The following COL21A1 variants were observed in gnomAD, a reference collection of about 807,000 sequenced individuals.
The protein encoded by COL21A1 is collagen type XXI alpha 1 chain.
In COL21A1, 149 loss-of-function variants were observed where a neutral mutation model predicts 137.9. The ratio of observed to expected loss-of-function variants is 1.08; its 90% confidence interval spans 0.95 to 1.24. The LOEUF (loss-of-function observed/expected upper bound fraction) is 1.24. Ranked by LOEUF, COL21A1 falls within the 50% of genes most tolerant of loss-of-function variation. The probability of loss-of-function intolerance (pLI) is 0.00; values close to 1 mark genes in which losing one functional copy is unlikely to be tolerated. For missense variants in COL21A1, 1,167 were observed against 1,158.4 expected, an observed-to-expected ratio of 1.01 and a Z score of -0.11; for synonymous variants, 456 against 391.5, an observed-to-expected ratio of 1.16 and a Z score of -1.95.
intron 1 of COL21A1, among the ~76,000 whole-genome samples, chr6:56,284,640 A>C (rs1489532977): frequency 6.6e-6 from 1 of 152,244 alleles, no homozygotes; most frequent in East Asian, 1.9e-4. Flanking sequence ...TACCATTCTA[A>C]GACACAAATT....
intron 1 of COL21A1, among the ~76,000 whole-genome samples, chr6:56,258,213 A>C (rs1763162325): frequency 6.6e-6 from 1 of 152,138 alleles, no homozygotes; most frequent in Admixed American, 6.5e-5. Flanking sequence ...TTTAAACAAC[A>C]CCATTTTTTT....
intron 1 of COL21A1, among the ~76,000 whole-genome samples, chr6:56,315,019 C>T (rs1331056700): frequency 6.6e-6 from 1 of 152,158 alleles, no homozygotes; most frequent in Admixed American, 6.5e-5. Flanking sequence ...TTACAAAAAT[C>T]AATGCAACCG....
chr6:56,103,295 T>A (rs1770611980), intron 16 of COL21A1, among the ~76,000 whole-genome samples: 1 of 152,186 alleles, frequency 6.6e-6, no homozygotes, highest in Non-Finnish European at 1.5e-5. Context: ...GAACCAGCCC[T>A]GCTATAAGTC....
intron 1 of COL21A1, among the ~76,000 whole-genome samples, chr6:56,236,580 G>A (rs1781915937): frequency 6.6e-6 from 1 of 152,028 alleles, no homozygotes; most frequent in Admixed American, 6.6e-5. Flanking sequence ...AAAAGGCTGG[G>A]TCAAGCCCCA....
At chr6:56,088,451 G>C (rs756995572) in intron 17 of COL21A1, among the ~76,000 whole-genome samples, 3 of 152,166 alleles carry the variant, frequency 2.0e-5, no homozygotes, top group Non-Finnish European at 4.4e-5. Context: ...CATAAAAGCT[G>C]AATTTTCAAT....
At chr6:56,174,960 G>A (rs568851279) in intron 3 of COL21A1, among the ~76,000 whole-genome samples, 10 of 152,038 alleles carry the variant, frequency 6.6e-5, no homozygotes, top group African/African-American at 2.4e-4. Flanking sequence ...CATACACCAT[G>A]ACCAAATGGG....
intron 10 of COL21A1, among the ~76,000 whole-genome samples, chr6:56,151,399 C>A (rs976249068): frequency 6.6e-6 from 1 of 152,180 alleles, no homozygotes; most frequent in Non-Finnish European, 1.5e-5. Context: ...TAGCTGTACT[C>A]CTCTGAATTA....
chr6:56,237,315 A>C (rs146271264), intron 1 of COL21A1, among the ~76,000 whole-genome samples: 33 of 152,226 alleles, frequency 2.2e-4, no homozygotes, highest in African/African-American at 7.9e-4. Context: ...GCCCTGTCTA[A>C]GCATTGGCAA....
chr6:56,261,923 C>G (rs1435997273), intron 1 of COL21A1, among the ~76,000 whole-genome samples: 1 of 152,142 alleles, frequency 6.6e-6, no homozygotes, highest in Admixed American at 6.5e-5. Context: ...CCTGCCTCAG[C>G]TCTGAAGTGA....
At chr6:56,292,845 A>G (rs1429520931) in intron 1 of COL21A1, among the ~76,000 whole-genome samples, 2 of 152,220 alleles carry the variant, frequency 1.3e-5, no homozygotes, top group Non-Finnish European at 2.9e-5. Context: ...TAGTATTTTG[A>G]ATTTAAATCT....
intron 17 of COL21A1, among the ~76,000 whole-genome samples, chr6:56,092,425 G>A (rs928145736): frequency 1.3e-5 from 2 of 151,910 alleles, no homozygotes; most frequent in Non-Finnish European, 2.9e-5. Context: ...CCATTTAATT[G>A]CTTCAAATTT....
intron 1 of COL21A1, among the ~76,000 whole-genome samples, chr6:56,193,744 A>G (rs551664256): frequency 6.6e-6 from 1 of 152,060 alleles, no homozygotes; most frequent in East Asian, 1.9e-4. Flanking sequence ...ATAAAGGTAC[A>G]AAAGGAGGTT....
intron 1 of COL21A1, among the ~76,000 whole-genome samples, chr6:56,255,249 C>A (rs1449732293): frequency 1.3e-5 from 2 of 151,620 alleles, no homozygotes; most frequent in Admixed American, 6.6e-5. Flanking sequence ...AATAAATGGT[C>A]TTCTAAATTC....
chr6:56,199,418 A>T (rs1414252902), intron 1 of COL21A1, among the ~76,000 whole-genome samples: 1 of 152,134 alleles, frequency 6.6e-6, no homozygotes, highest in Non-Finnish European at 1.5e-5. Flanking sequence ...TGGAATATAT[A>T]GTAGGCTAAA....
intron 10 of COL21A1, among the ~76,000 whole-genome samples, chr6:56,150,652 C>T (rs1476619941): frequency 6.6e-6 from 1 of 152,084 alleles, no homozygotes; most frequent in East Asian, 1.9e-4. Context: ...ATCAGTTTTT[C>T]CAACTCACTT....
At chr6:56,089,910 G>A (rs1020442880) in intron 17 of COL21A1, among the ~76,000 whole-genome samples, 5 of 152,096 alleles carry the variant, frequency 3.3e-5, no homozygotes, top group African/African-American at 7.2e-5. Context: ...AATAAAATAC[G>A]TTAATGCTTA....
At chr6:56,267,486 G>A (rs1234384999) in intron 1 of COL21A1, among the ~76,000 whole-genome samples, 2 of 152,034 alleles carry the variant, frequency 1.3e-5, no homozygotes, top group Non-Finnish European at 2.9e-5. Flanking sequence ...GCCAGGCACA[G>A]TGACTCATGC....
intron 10 of COL21A1, among the ~76,000 whole-genome samples, chr6:56,143,172 A>C (rs1582470010): frequency 6.6e-6 from 1 of 151,098 alleles, no homozygotes; most frequent in Non-Finnish European, 1.5e-5. Flanking sequence ...TACTTATAGA[A>C]TGAATGACAA....
At chr6:56,344,172 C>T (rs1054775278) in intron 1 of COL21A1, among the ~76,000 whole-genome samples, 6 of 152,142 alleles carry the variant, frequency 3.9e-5, no homozygotes, top group Non-Finnish European at 7.4e-5. Flanking sequence ...TAATCGCTAA[C>T]ATAAAGCAAC....
Sources: gnomAD v4.1 joint callset for allele counts (sites outside exome capture counted in the v4.1 genomes callset) on GRCh38, gnomAD v4.1.1 for gene constraint, MANE v1.5 for transcripts, NCBI Gene and HGNC (gene_info 2026-07-23, HGNC 2026-07-21) for gene names.